The following MRPL46 variants were observed in gnomAD, a reference collection of about 807,000 sequenced individuals.
The protein encoded by MRPL46 is large ribosomal subunit protein mL46.
In MRPL46, 26 loss-of-function variants were observed where a neutral mutation model predicts 31.0. That is an observed-to-expected ratio of 0.84 (90% CI 0.61 to 1.16). The LOEUF (loss-of-function observed/expected upper bound fraction) is 1.16. MRPL46 is among the 50% of genes most tolerant of loss of function. The pLI is 0.00. For missense variants in MRPL46, 395 were observed against 340.0 expected, an observed-to-expected ratio of 1.16 and a Z score of -1.27; for synonymous variants, 159 against 141.3, an observed-to-expected ratio of 1.13 and a Z score of -0.89.
At position 88,467,289 on chromosome 15, in the gene MRPL46, CGA is replaced by C. The variant is rs2055553853; in HGVS notation, c.87_88del (p.Arg30GlnfsTer48). The C allele has an allele frequency of 6.2e-6, 10 of 1,613,126 alleles. No homozygotes were observed. Among genetic ancestry groups the C allele is most frequent in the Non-Finnish European group, 8.5e-6 (10 of 1,179,680 alleles). On this transcript the variant is annotated frameshift_variant, in exon 1 of 4. Coordinates refer to ENST00000312475, the MANE Select transcript of MRPL46 (RefSeq NM_022163.4). LOFTEE classifies it high-confidence loss of function. ...GGGTGCGGCTGCAAGAGCCAGGCTG[CGA>C]GAGCTTAGACTGCCGGCCCAGAGCC...
chr15:88,465,298 A>C (rs1351546367), intron 2 of MRPL46: 1 of 429,280 alleles, frequency 2.3e-6, no homozygotes, highest in East Asian at 3.4e-5. Context: ...CACAGGAATT[A>C]GTGGAAAAAG....
Position 88,459,820 on chromosome 15 carries a change from C to A in MRPL46, c.633G>T (p.Gly211=), listed in dbSNP as rs1319540328. The part of the protein sequence containing the change: ...EAKFLGNAPC[G]HYTFKFPQAM... ...CCTGGGGGAACTTGAATGTGTAGTG[C>A]CCACAGGGTGCATTTCCTAGGAACT... Residue 211 remains glycine, a synonymous_variant, in exon 4 of 4, where the codon GGG becomes GGT. Coordinates refer to ENST00000312475, the MANE Select transcript of MRPL46 (RefSeq NM_022163.4). The A allele has an allele frequency of 1.9e-6, 3 of 1,614,156 alleles. No homozygotes were observed. The South Asian group carries it at 3.3e-5, about 18-fold the overall frequency.
chr15:88,463,749 C>T lies in MRPL46; in HGVS notation c.589+954G>A, dbSNP rs1226190822. On this transcript the variant is annotated intron_variant, in intron 3 of 3. Transcript: ENST00000312475. This position sits in a 1 kb window ranked among gnomAD's most constrained non-coding sequence, Gnocchi z 5.4. The stretch of plus-strand genomic sequence containing the variant: ...GAGACACATGAAAGACCATACTATT[C>T]AAGGAATGCAAAAGGTTTGTTAAGT... The T allele has an allele frequency of 2.0e-5, 3 of 152,196 alleles. No individual in the cohort carries two copies. Among genetic ancestry groups the T allele is most frequent in the Non-Finnish European group, 4.4e-5 (3 of 68,044 alleles). 9.4% of individuals were successfully genotyped at this position (152,196 alleles called of 1,614,324 possible). A position where few individuals can be genotyped will look rare whatever the true frequency, so the allele number is the denominator to read the frequency against.
In MRPL46 at chr15:88,467,224, A is replaced by G; in HGVS notation, c.154T>C (p.Cys52Arg). 2 of 1,614,144 alleles carry G rather than the reference A, an allele frequency of 1.2e-6. No homozygotes were observed. The highest frequency in any genetic ancestry group is 2.2e-5 in the South Asian group (2 of 91,088). ...GAGACTACAGGTGGCCGCTGCAGGC[A>G]CAACGCGCCCAACAAGCGCCATGGG... ...GSPWRLLGALCLQRPPVVSKP... is the reference protein window; with the variant it reads ...GSPWRLLGALRLQRPPVVSKP... Residue 52 changes from cysteine to arginine, a missense_variant, in exon 1 of 4, where the codon TGC becomes CGC. Coordinates refer to ENST00000312475, the MANE Select transcript of MRPL46 (RefSeq NM_022163.4).
In MRPL46 at chr15:88,459,503, G is replaced by A. The variant is rs979499873; in HGVS notation, c.*110C>T. On this transcript the variant is annotated 3_prime_UTR_variant, in exon 4 of 4. Transcript: ENST00000312475. ...CAGTAATAGACTCGTTTATTTCTCA[G>A]AATTTAGTTTGCTGCTTGATATTAC... is the stretch of plus-strand genomic sequence containing the variant. 4.0e-6 allele frequency: 6 copies of A among 1,500,634 alleles called. No homozygotes were observed. The African/African-American group carries it at 8.3e-5, about 21-fold the overall frequency. The allele number at this position is 1,500,634 out of a possible 1,614,324, so 93.0% of individuals were successfully genotyped here.
At chr15:88,464,019 AC>A (rs1649843408) in intron 3 of MRPL46, 1 of 152,276 alleles carries the variant, frequency 6.6e-6, no homozygotes, top group African/African-American at 2.4e-5. Flanking sequence ...TCAGTATAGT[AC>A]TTCTCAACCA....
At position 88,459,581 on chromosome 15, in the gene MRPL46, G is replaced by T. The variant is rs773184082; in HGVS notation, c.*32C>A. On this transcript the variant is annotated 3_prime_UTR_variant, in exon 4 of 4. Coordinates refer to ENST00000312475, the MANE Select transcript of MRPL46 (RefSeq NM_022163.4). ...TCCTTGAGGCTCTAATCCCAGACTT[G>T]TCTGAGCACCGTCCACAGGCAGCTC... 6.2e-7 allele frequency: 1 copy of T among 1,612,470 alleles called. No homozygotes were observed.
Position 88,463,332 on chromosome 15 carries a change from G to C in MRPL46, c.589+1371C>G, listed in dbSNP as rs186484681. On this transcript the variant is annotated intron_variant, in intron 3 of 3. Coordinates refer to ENST00000312475, the MANE Select transcript of MRPL46 (RefSeq NM_022163.4). The surrounding 1 kb of genome is among the most constrained non-coding windows in gnomAD (Gnocchi z 5.4). ...ACATTCAACAAATGCCTATGTGCCA[G>C]GTACTTTGCTGAAAGCTAGGATCAG... 7.9e-5 allele frequency: 12 copies of C among 152,352 alleles called. No homozygotes were observed. In the East Asian group the frequency reaches 2.3e-3, roughly 29 times the overall value. 9.4% of individuals were successfully genotyped at this position (152,352 alleles called of 1,614,324 possible). A position where few individuals can be genotyped will look rare whatever the true frequency, so the allele number is the denominator to read the frequency against.
In MRPL46 at chr15:88,463,072, G is replaced by T. The variant is rs2142196690; in HGVS notation, c.589+1631C>A. ...GAGACGTTGAGCATCTGGACACAATGATCCTCGCAAGAAACTCAGCTGCTG... is the reference window on the plus strand; with the variant it reads ...GAGACGTTGAGCATCTGGACACAATTATCCTCGCAAGAAACTCAGCTGCTG... On this transcript the variant is annotated intron_variant, in intron 3 of 3. Coordinates refer to ENST00000312475, the MANE Select transcript of MRPL46 (RefSeq NM_022163.4). The surrounding 1 kb of genome is among the most constrained non-coding windows in gnomAD (Gnocchi z 5.4). 1 of 152,376 alleles carries T rather than the reference G, an allele frequency of 6.6e-6. No homozygotes were observed. Among genetic ancestry groups the T allele is most frequent in the South Asian group, 2.1e-4 (1 of 4,822 alleles). The allele number at this position is 152,376 out of a possible 1,614,324, so 9.4% of individuals were successfully genotyped here. A position where few individuals can be genotyped will look rare whatever the true frequency, so the allele number is the denominator to read the frequency against.
Position 88,467,196 on chromosome 15 carries a change from T to C in MRPL46, c.182A>G (p.Lys61Arg). The C allele has an allele frequency of 1.9e-6, 3 of 1,614,172 alleles. No individual in the cohort carries two copies. The highest frequency in any genetic ancestry group is 2.5e-6 in the Non-Finnish European group (3 of 1,180,032). Residue 61 changes from lysine (K) to arginine (R), a missense_variant, in exon 1 of 4, where the codon AAG (lysine) becomes AGG (arginine). By Grantham distance (26) the Lys-to-Arg change is conservative. Transcript: ENST00000312475. ...LCLQRPPVVS[K>R]PLTPLQEEMA... Reference sequence around the variant, plus strand: ...CTCTTCCTGCAATGGGGTCAACGGCTTGGAGACTACAGGTGGCCGCTGCAG... The same window carrying C: ...CTCTTCCTGCAATGGGGTCAACGGCCTGGAGACTACAGGTGGCCGCTGCAG...
intron 2 of MRPL46, 33 bp downstream of exon 2, chr15:88,465,554 C>T: frequency 2.0e-6 from 3 of 1,511,086 alleles, no homozygotes; most frequent in Non-Finnish European, 2.7e-6. Flanking sequence ...ACCCCTTTTC[C>T]CTTCCTTCTG....
At position 88,464,285 on chromosome 15, in the gene MRPL46, G is replaced by C. The variant is rs1294788082; in HGVS notation, c.589+418C>G. 1.8e-5 allele frequency: 3 copies of C among 168,026 alleles called. No individual in the cohort carries two copies. The Admixed American group carries it at 1.9e-4, about 11-fold the overall frequency. The allele number at this position is 168,026 out of a possible 1,614,324, so 10.4% of individuals were successfully genotyped here. A position where few individuals can be genotyped will look rare whatever the true frequency, so the allele number is the denominator to read the frequency against. ...TCACAGCTAAAGCTGTTAGAACAAA[G>C]AGGGGACTATTTAGAACAGATCACG... On this transcript the variant is annotated intron_variant, in intron 3 of 3. Coordinates refer to ENST00000312475, the MANE Select transcript of MRPL46 (RefSeq NM_022163.4).
In MRPL46 at chr15:88,464,948, A is replaced by G. The variant is rs2055510179; in HGVS notation, c.416-72T>C. The G allele has an allele frequency of 3.3e-6, 5 of 1,515,898 alleles. No homozygotes were observed. The South Asian group carries it at 6.3e-5, about 19-fold the overall frequency. The allele number at this position is 1,515,898 out of a possible 1,614,324, so 93.9% of individuals were successfully genotyped here. On this transcript the variant is annotated intron_variant, in intron 2 of 3. Coordinates refer to ENST00000312475, the MANE Select transcript of MRPL46 (RefSeq NM_022163.4). The stretch of plus-strand genomic sequence containing the variant: ...GAACCAAGAAACCTGGAGTTTTACA[A>G]TCTTCCTTTAAGATCCACAATCCTT...
At chr15:88,464,584 C>A in intron 3 of MRPL46, 119 bp downstream of exon 3, 1 of 1,107,032 alleles carries the variant, frequency 9.0e-7, no homozygotes, top group Non-Finnish European at 1.3e-6. Context: ...TTATAAACTT[C>A]AAAATTTCCA....
chr15:88,464,982 A>C lies in MRPL46; in HGVS notation c.416-106T>G, dbSNP rs1476174342. The C allele has an allele frequency of 4.4e-6, 6 of 1,349,086 alleles. No homozygotes were observed. The Admixed American group carries it at 7.2e-5, about 16-fold the overall frequency. The allele number at this position is 1,349,086 out of a possible 1,614,324, so 83.6% of individuals were successfully genotyped here. The stretch of plus-strand genomic sequence containing the variant: ...TAAGATCCACAATCCTTGCCCTCAA[A>C]GAGCTTAGAACCAAATTACACCTCG... On this transcript the variant is annotated intron_variant, in intron 2 of 3. Transcript: ENST00000312475.
At position 88,465,692 on chromosome 15, in the gene MRPL46, C is replaced by G. The variant is rs780672377; in HGVS notation, c.310G>C (p.Asp104His). The G allele has an allele frequency of 1.2e-6, 2 of 1,614,026 alleles. No individual in the cohort carries two copies. The highest frequency in any genetic ancestry group is 8.5e-7 in the Non-Finnish European group (1 of 1,180,016). ...TGTTCATCTTCTTCATCATGAAGGT[C>G]AGCTTTCTTCTTTGCCAGTCGCTGG... ...ENQRLAKKKA[D>H]LHDEEDEQDI... The change falls in exon 2 of 4, where the codon GAC becomes CAC. Residue 104 changes from aspartate to histidine, a missense_variant. By Grantham distance (81) the Asp-to-His change is moderately conservative. Coordinates refer to ENST00000312475, the MANE Select transcript of MRPL46 (RefSeq NM_022163.4).
At position 88,465,773 on chromosome 15, in the gene MRPL46, T is replaced by A. The variant is rs904830405; in HGVS notation, c.229A>T (p.Ile77Phe). 5 of 1,563,264 alleles carry A rather than the reference T, an allele frequency of 3.2e-6. No homozygotes were observed. In the African/African-American group the frequency reaches 4.2e-5, roughly 13 times the overall value. Residue 77 changes from isoleucine to phenylalanine, a missense_variant and splice_region_variant, in exon 2 of 4, where the codon ATT (isoleucine) becomes TTT (phenylalanine). Transcript: ENST00000312475. ...GAATACAGGCTTCTCTCTATCTCAA[T>A]CTGGGAAAATTCAAAGGGCAAAAAA... ...QEEMASLLQQ[I>F]EIERSLYSDH...
chr15:88,467,102 A>T lies in MRPL46; in HGVS notation c.228+48T>A, dbSNP rs995831751. The T allele has an allele frequency of 5.7e-6, 9 of 1,589,476 alleles. No individual in the cohort carries two copies. The Admixed American group carries it at 1.2e-4, about 21-fold the overall frequency. On this transcript the variant is annotated intron_variant, in intron 1 of 3. Coordinates refer to ENST00000312475, the MANE Select transcript of MRPL46 (RefSeq NM_022163.4). ...TCAGAGAGGTGAAATTACTCGCTCA[A>T]AGTCACGCAGAATAAACGTCACTCT...
In MRPL46 at chr15:88,467,382, C is replaced by G. The variant is rs760682833; in HGVS notation, c.-5G>C. On this transcript the variant is annotated 5_prime_UTR_variant, in exon 1 of 4. Coordinates refer to ENST00000312475, the MANE Select transcript of MRPL46 (RefSeq NM_022163.4). ...CCGCCTTACGGGCGCCGCCATCTTT[C>G]GTTCTCCCACAATGCACCGCGGCTC... 1.5e-5 allele frequency: 24 copies of G among 1,561,478 alleles called. No homozygotes were observed. Among genetic ancestry groups the G allele is most frequent in the Non-Finnish European group, 2.1e-5 (24 of 1,152,970 alleles).
Sources: gnomAD v4.1 joint callset for allele counts on GRCh38, gnomAD v4.1.1 for gene constraint, Gnocchi (gnomAD v3.1) non-coding constraint, MANE v1.5 for transcripts, NCBI Gene and HGNC (gene_info 2026-07-23, HGNC 2026-07-21) for gene names.